The following WWC2 variants were observed in gnomAD, a reference collection of about 807,000 sequenced individuals.
WWC2 encodes WW and C2 domain containing 2, also known as protein WWC2.
Under a neutral mutation model 138.5 loss-of-function variants are expected in WWC2, and 101 were observed. That is an observed-to-expected ratio of 0.73 (90% CI 0.62 to 0.86). The LOEUF is 0.86. WWC2 is among the 40% of genes least tolerant of loss of function. The pLI, the probability that WWC2 is intolerant of heterozygous loss-of-function variation, is 0.00. For synonymous variants in WWC2, 558 were observed against 538.4 expected, an observed-to-expected ratio of 1.04 and a Z score of -0.50; for missense variants, 1,420 against 1,419.4, an observed-to-expected ratio of 1.00 and a Z score of -0.01.
intron 14 of WWC2, among the ~76,000 whole-genome samples, chr4:183,268,029 C>G (rs1423950526): frequency 5.9e-5 from 9 of 152,186 alleles, no homozygotes; most frequent in Non-Finnish European, 1.2e-4. Context: ...GCTCTTTAAT[C>G]AACAGCAGTG....
At chr4:183,101,097 T>C (rs1743166061) in intron 1 of WWC2, among the ~76,000 whole-genome samples, 1 of 152,258 alleles carries the variant, frequency 6.6e-6, no homozygotes, top group African/African-American at 2.4e-5. Flanking sequence ...TATTTGACTT[T>C]TACAGTTGTG....
At chr4:183,109,530 G>A (rs1045005435) in intron 1 of WWC2, among the ~76,000 whole-genome samples, 2 of 152,142 alleles carry the variant, frequency 1.3e-5, no homozygotes, top group Non-Finnish European at 2.9e-5. Context: ...GATCATCAGG[G>A]ATTAGTTAGA....
At chr4:183,287,449 T>A (rs1159566693) in intron 20 of WWC2, among the ~76,000 whole-genome samples, 2 of 152,196 alleles carry the variant, frequency 1.3e-5, no homozygotes, top group Non-Finnish European at 2.9e-5. Context: ...TTCAGATAAA[T>A]ATTAACCAAA....
At chr4:183,201,457 G>C (rs1735296043) in intron 2 of WWC2, among the ~76,000 whole-genome samples, 1 of 152,156 alleles carries the variant, frequency 6.6e-6, no homozygotes, top group Non-Finnish European at 1.5e-5. Flanking sequence ...AGGCCATTTT[G>C]TTGATCACCC....
intron 2 of WWC2, among the ~76,000 whole-genome samples, chr4:183,196,821 G>A (rs1580048268): frequency 1.3e-5 from 2 of 152,242 alleles, no homozygotes; most frequent in Middle Eastern, 3.4e-3. Flanking sequence ...CTTCCCACAG[G>A]CCTTCTCTGA....
rs749279542 is a variant in WWC2 at position 183,320,104 on chromosome 4, C to T, written c.*4375C>T. 1.5e-5 allele frequency: 24 copies of T among 1,614,036 alleles called. No individual in the cohort carries two copies. The highest frequency in any genetic ancestry group is 1.6e-4 in the Middle Eastern group (1 of 6,062). On this transcript the variant is annotated 3_prime_UTR_variant, in exon 23 of 23. Transcript: ENST00000403733. ...GTCCAGTTTTCCATTTCATTTAAGTCCAGGTTGAGGTTCTTCCAGTGTGGC... is the reference window on the plus strand; with the variant it reads ...GTCCAGTTTTCCATTTCATTTAAGTTCAGGTTGAGGTTCTTCCAGTGTGGC...
intron 1 of WWC2, among the ~76,000 whole-genome samples, chr4:183,152,342 T>TA (rs1733657333): frequency 6.6e-6 from 1 of 151,302 alleles, no homozygotes; most frequent in African/African-American, 2.4e-5. Flanking sequence ...CTACAAAAAA[T>TA]AAAAAAATTA....
intron 1 of WWC2, among the ~76,000 whole-genome samples, chr4:183,113,390 C>T (rs1030164742): frequency 6.6e-6 from 1 of 151,480 alleles, no homozygotes; most frequent in African/African-American, 2.4e-5. Flanking sequence ...AGAAAGGGGT[C>T]CTATCATGTA....
intron 1 of WWC2, among the ~76,000 whole-genome samples, chr4:183,187,391 T>C (rs913646143): frequency 2.7e-5 from 4 of 150,296 alleles, no homozygotes; most frequent in African/African-American, 9.8e-5. Flanking sequence ...CTGTCTCTAC[T>C]AAAAATACAA....
At chr4:183,180,031 CAAG>C (rs1734580418) in intron 1 of WWC2, among the ~76,000 whole-genome samples, 1 of 152,028 alleles carries the variant, frequency 6.6e-6, no homozygotes, top group South Asian at 2.1e-4. Context: ...ATGTCTTCCC[CAAG>C]AAGATGATGT....
chr4:183,105,705 A>C (rs1174040394), intron 1 of WWC2, among the ~76,000 whole-genome samples: 2 of 152,140 alleles, frequency 1.3e-5, no homozygotes, highest in African/African-American at 4.8e-5. Context: ...CCTGGCTAAC[A>C]CAGTGAAACC....
intron 8 of WWC2, among the ~76,000 whole-genome samples, chr4:183,251,372 T>A (rs1736977239): frequency 6.6e-6 from 1 of 152,246 alleles, no homozygotes; most frequent in Non-Finnish European, 1.5e-5. Context: ...TGGCCATTAC[T>A]CAGAAGCAGT....
At chr4:183,114,154 GTTGT>G (rs962847560) in intron 1 of WWC2, among the ~76,000 whole-genome samples, 6 of 152,058 alleles carry the variant, frequency 3.9e-5, no homozygotes, top group African/African-American at 1.4e-4. Flanking sequence ...GCAGTATCTG[GTTGT>G]TTAAGTGTAC....
intron 1 of WWC2, among the ~76,000 whole-genome samples, chr4:183,118,176 T>G (rs1732485838): frequency 1.3e-5 from 2 of 152,228 alleles, no homozygotes; most frequent in Admixed American, 1.3e-4. Flanking sequence ...TTCAGTCGAT[T>G]GCCACGTTAT....
At chr4:183,136,583 G>T (rs1733122118) in intron 1 of WWC2, among the ~76,000 whole-genome samples, 3 of 152,172 alleles carry the variant, frequency 2.0e-5, no homozygotes, top group Admixed American at 2.0e-4. Flanking sequence ...TCCGAGAAAT[G>T]TGTTATTAGG....
chr4:183,231,383 C>T (rs1290016827), intron 4 of WWC2, among the ~76,000 whole-genome samples: 1 of 147,546 alleles, frequency 6.8e-6, no homozygotes, highest in Non-Finnish European at 1.5e-5. Context: ...GATTCTTGTG[C>T]CTCAGCCTCC....
intron 1 of WWC2, among the ~76,000 whole-genome samples, chr4:183,107,128 CCTTCT>C (rs1003775768): frequency 2.5e-4 from 38 of 152,112 alleles, no homozygotes; most frequent in African/African-American, 5.5e-4. Flanking sequence ...TCTTCTCTTT[CCTTCT>C]CTTCTCTTCT....
chr4:183,186,029 G>GCTCCATCTCCCGGGTTCACGCCATT (rs1734789797), intron 1 of WWC2, among the ~76,000 whole-genome samples: 1 of 147,532 alleles, frequency 6.8e-6, no homozygotes, highest in Non-Finnish European at 1.5e-5. Context: ...CTCACTGCAA[G>GCTCCATCTCCCGGGTTCACGCCATT]CTCCATCTCC....
Position 183,284,265 on chromosome 4 carries a change from A to G in WWC2, c.2923A>G (p.Asn975Asp), listed in dbSNP as rs777019544. ...ETNTDEAAND[N>D]MAVRPKERSS... ...AAACACTGATGAAGCCGCTAATGAC[A>G]ATATGGCAGTTCGCCCCAAAGAGCG... The change falls in exon 19 of 23, where the codon AAT becomes GAT. Residue 975 changes from asparagine (N) to aspartate (D), a missense_variant. By Grantham distance (23) the Asn-to-Asp change is conservative. Coordinates refer to ENST00000403733, the MANE Select transcript of WWC2 (RefSeq NM_024949.6). 6.2e-7 allele frequency: 1 copy of G among 1,614,034 alleles called. No homozygotes were observed. Among genetic ancestry groups the G allele is most frequent in the Non-Finnish European group, 8.5e-7 (1 of 1,179,890 alleles).
Sources: gnomAD v4.1 joint callset for allele counts (sites outside exome capture counted in the v4.1 genomes callset) on GRCh38, gnomAD v4.1.1 for gene constraint, MANE v1.5 for transcripts, NCBI Gene and HGNC (gene_info 2026-07-23, HGNC 2026-07-21) for gene names.